Variants in MPV17 observed in about 807,000 individuals in gnomAD.
MPV17 encodes mitochondrial inner membrane protein MPV17.
In MPV17, 31 loss-of-function variants were observed where a neutral mutation model predicts 28.6. The ratio of observed to expected loss-of-function variants is 1.08; its 90% CI spans 0.81 to 1.46. The LOEUF is 1.46. Among genes scored for constraint, MPV17 ranks in the 40% most tolerant of loss-of-function variants. The pLI, the probability that MPV17 is intolerant of heterozygous loss-of-function variation, is 0.00. For synonymous variants in MPV17, 87 were observed against 85.3 expected, an observed-to-expected ratio of 1.02 and a Z score of -0.11; for missense variants, 198 against 216.2, an observed-to-expected ratio of 0.92 and a Z score of 0.53.
chr2:27,321,554 A>T (rs971385701), intron 2 of MPV17, among the ~76,000 whole-genome samples: 1 of 152,208 alleles, frequency 6.6e-6, no homozygotes, highest in Admixed American at 6.5e-5. Flanking sequence ...GCAAGACCTC[A>T]TCTTAATGTG....
rs1303940884 is a variant in MPV17, at chr2:27,315,916, G to A, written c.71-2807C>T. 5.6e-6 allele frequency: 8 copies of A among 1,438,092 alleles called. No individual in the cohort carries two copies. In the African/African-American group the frequency reaches 1.1e-4, roughly 21 times the overall value. 89.1% of individuals were successfully genotyped at this position (1,438,092 alleles called of 1,614,324 possible). ...GAGATGAGATGACTTGGTAAGGAGT[G>A]CAGTTGGAACTGAACCCAGGCCTTC... On this transcript the variant is annotated intron_variant, in intron 2 of 7. Coordinates refer to ENST00000380044, the MANE Select transcript of MPV17 (RefSeq NM_002437.5).
intron 5 of MPV17, 86 bp downstream of exon 5, chr2:27,312,408 C>A (rs1437820272): frequency 6.7e-7 from 1 of 1,493,728 alleles, no homozygotes; most frequent in Non-Finnish European, 9.3e-7. Context: ...GCACTTACCC[C>A]CTTTTTTATC....
At chr2:27,311,387 C>T (rs1486293131) in intron 7 of MPV17, 1 of 593,860 alleles carries the variant, frequency 1.7e-6, no homozygotes, top group African/African-American at 1.9e-5. Context: ...AGCTATGCTA[C>T]TCATGTACAT....
Position 27,312,573 on chromosome 2 carries a change from C to T in MPV17, c.296G>A (p.Cys99Tyr), listed in dbSNP as rs1457407910. The part of the protein sequence containing the change: ...MLLDQGGFAP[C>Y]FLGCFLPLVG... ...CAGTGGGAGAAAGCAGCCTAGAAAA[C>T]ACGGGGCAAAGCCCCCCTAGGGAAG... is the stretch of plus-strand genomic sequence containing the variant. The change falls in exon 5 of 8, where the codon TGT (cysteine) becomes TAT (tyrosine). Residue 99 changes from cysteine to tyrosine, a missense_variant. By Grantham distance (194) the Cys-to-Tyr change is radical (BLOSUM62 -2). Coordinates refer to ENST00000380044, the MANE Select transcript of MPV17 (RefSeq NM_002437.5). 1 of 1,614,138 alleles carries T rather than the reference C, an allele frequency of 6.2e-7. No individual in the cohort carries two copies. The highest frequency in any genetic ancestry group is 8.5e-7 in the Non-Finnish European group (1 of 1,179,976).
chr2:27,316,973 G>A, intron 2 of MPV17: 1 of 1,119,246 alleles, frequency 8.9e-7, no homozygotes, highest in African/African-American at 1.6e-5. Context: ...GATCAATTTG[G>A]GACCACTTCC....
intron 1 of MPV17, 152 bp from the exon 2 acceptor site, chr2:27,322,674 G>A (rs1277561604): frequency 1.5e-6 from 1 of 654,310 alleles, no homozygotes; most frequent in Non-Finnish European, 2.7e-6. Flanking sequence ...TTCCCAGACA[G>A]CTTCCTGTCG....
intron 7 of MPV17, among the ~76,000 whole-genome samples, chr2:27,310,775 C>A (rs1041862254): frequency 6.6e-6 from 1 of 152,018 alleles, no homozygotes; most frequent in Non-Finnish European, 1.5e-5. Flanking sequence ...GACGGAGTCT[C>A]GCTCTGTTGC....
intron 2 of MPV17, among the ~76,000 whole-genome samples, chr2:27,319,416 G>A (rs927538869): frequency 2.0e-5 from 3 of 146,536 alleles, no homozygotes; most frequent in Non-Finnish European, 3.0e-5. Flanking sequence ...CCAACCACTC[G>A]GGAGGCTAAG....
At chr2:27,311,536 T>C (rs1679438665) in intron 7 of MPV17, 4 of 1,492,798 alleles carry the variant, frequency 2.7e-6, no homozygotes, top group Non-Finnish European at 2.7e-6. Context: ...TGTGAGTGTC[T>C]GACCAGGCTC....
chr2:27,321,154 GACC>G (rs1679843828), intron 2 of MPV17, among the ~76,000 whole-genome samples: 1 of 152,348 alleles, frequency 6.6e-6, no homozygotes, highest in Non-Finnish European at 1.5e-5. Context: ...TATTCTTGAT[GACC>G]ACAAGGGGGA....
At chr2:27,322,605 T>G in intron 1 of MPV17, 83 bp from the exon 2 acceptor site, 1 of 1,101,482 alleles carries the variant, frequency 9.1e-7, no homozygotes, top group Non-Finnish European at 1.4e-6. Context: ...TTGTGCCCAC[T>G]CCCTTCCCCT....
At chr2:27,321,401 A>G (rs1679853522) in intron 2 of MPV17, among the ~76,000 whole-genome samples, 1 of 152,164 alleles carries the variant, frequency 6.6e-6, no homozygotes, top group Non-Finnish European at 1.5e-5. Context: ...TCATGCAGTT[A>G]AGTTTCTGTG....
intron 5 of MPV17, 50 bp from the exon 6 acceptor site, chr2:27,312,296 C>T: frequency 1.4e-5 from 23 of 1,590,900 alleles, no homozygotes; most frequent in Non-Finnish European, 1.9e-5. Context: ...CCAAGCAGCT[C>T]CCACTTCCCA....
intron 6 of MPV17, 22 bp downstream of exon 6, chr2:27,312,192 C>T (rs1345268763): frequency 1.9e-6 from 3 of 1,612,458 alleles, no homozygotes; most frequent in South Asian, 1.1e-5. Context: ...GGAGAACAAG[C>T]AGTTGAGGTG....
At chr2:27,322,619 C>T (rs1440828616) in intron 1 of MPV17, 97 bp from the exon 2 acceptor site, 1 of 978,776 alleles carries the variant, frequency 1.0e-6, no homozygotes, top group Non-Finnish European at 1.6e-6. Flanking sequence ...TTCCCCTTCC[C>T]ACTTCCAATG....
intron 7 of MPV17, 183 bp downstream of exon 7, chr2:27,311,716 G>A: frequency 1.3e-6 from 2 of 1,551,638 alleles, no homozygotes; most frequent in Non-Finnish European, 8.7e-7. Context: ...GACACTCTGG[G>A]ACAGTTTCCG....
At chr2:27,313,865 C>G (rs946461700) in intron 2 of MPV17, among the ~76,000 whole-genome samples, 4 of 152,178 alleles carry the variant, frequency 2.6e-5, no homozygotes, top group Non-Finnish European at 5.9e-5. Context: ...GCACCCACCA[C>G]CATGCCTGGC....
rs748239567 is a variant in MPV17, at chr2:27,317,191, G to A, written c.71-4082C>T. The A allele has an allele frequency of 6.4e-7, 1 of 1,550,392 alleles. No individual in the cohort carries two copies. Among genetic ancestry groups the A allele is most frequent in the South Asian group, 1.2e-5 (1 of 84,042 alleles). On this transcript the variant is annotated intron_variant, in intron 2 of 7. Transcript: ENST00000380044. This position sits in a 1 kb window ranked among gnomAD's most constrained non-coding sequence, Gnocchi z 4.0. ...CAGGAGGCCTGGGTCGGCAGGTATA[G>A]CTACTGGCATGGGGCCAGCAGTGCT...
chr2:27,315,986 G>A lies in MPV17; in HGVS notation c.71-2877C>T, dbSNP rs533300835. The stretch of plus-strand genomic sequence containing the variant: ...GGCCAGGGTATTCCTGGCATGGGCT[G>A]AGATGGGCTCAGAGGTCAGTGGCAC... On this transcript the variant is annotated intron_variant, in intron 2 of 7. Coordinates refer to ENST00000380044, the MANE Select transcript of MPV17 (RefSeq NM_002437.5). 10 of 1,519,566 alleles carry A rather than the reference G, an allele frequency of 6.6e-6. No individual in the cohort carries two copies. The South Asian group carries it at 1.3e-4, about 19-fold the overall frequency. The allele number at this position is 1,519,566 out of a possible 1,614,324, so 94.1% of individuals were successfully genotyped here. A position where few individuals can be genotyped will look rare whatever the true frequency, so the allele number is the denominator to read the frequency against.
Sources: gnomAD v4.1 joint callset for allele counts (sites outside exome capture counted in the v4.1 genomes callset) on GRCh38, gnomAD v4.1.1 for gene constraint, Gnocchi (gnomAD v3.1) non-coding constraint, MANE v1.5 for transcripts, NCBI Gene and HGNC (gene_info 2026-07-23, HGNC 2026-07-21) for gene names.